MMP28: variants seen among roughly 807,000 people sequenced by gnomAD.
The protein encoded by MMP28 is matrix metallopeptidase 28.
In MMP28, 55 loss-of-function variants were observed where a neutral mutation model predicts 60.5. The observed-to-expected ratio is 0.91, with a 90% CI of 0.73 to 1.14. The LOEUF (loss-of-function observed/expected upper bound fraction) is 1.14, where lower values mean the gene tolerates loss of function less well. Among genes scored for constraint, MMP28 ranks in the 50% most tolerant of loss-of-function variants. The pLI is 0.00. For missense variants in MMP28, 686 were observed against 738.3 expected, an observed-to-expected ratio of 0.93 and a Z score of 0.82; for synonymous variants, 318 against 312.5, an observed-to-expected ratio of 1.02 and a Z score of -0.18.
At chr17:35,795,114 C>G (rs923619947) in intron 1 of MMP28, among the ~76,000 whole-genome samples, 153 bp downstream of exon 1, 8 of 152,250 alleles carry the variant, frequency 5.3e-5, no homozygotes, top group Non-Finnish European at 8.8e-5. Flanking sequence ...AAAAAACTGC[C>G]CGGCTCTTTA....
chr17:35,768,245 C>T lies in MMP28; in HGVS notation c.985G>A (p.Asp329Asn). The change falls in exon 6 of 8, where the codon GAT becomes AAT. Residue 329 changes from aspartate to asparagine, a missense_variant. Transcript: ENST00000605424. ...QGPKYCHSSF[D>N]AITVDRQQQL... ...ACCTTCTTACCTACAGTGATGGCAT[C>T]GAAGGAAGAGTGGCAGTATTTAGGG... The T allele has an allele frequency of 5.6e-6, 9 of 1,607,640 alleles. No homozygotes were observed. Among genetic ancestry groups the T allele is most frequent in the African/African-American group, 2.7e-5 (2 of 74,536 alleles).
At chr17:35,764,807 A>G (rs2143122300), downstream of MMP28, 2 of 602,886 alleles carry the variant, frequency 3.3e-6, no homozygotes, top group Admixed American at 8.3e-5. Flanking sequence ...TCTGTCACCT[A>G]GCGCCCCCAG....
At chr17:35,774,701 C>T (rs1282548351) in intron 3 of MMP28, among the ~76,000 whole-genome samples, 4 of 152,224 alleles carry the variant, frequency 2.6e-5, no homozygotes, top group Admixed American at 6.5e-5. Context: ...AATGCCGCCT[C>T]CCTGGGCCTG....
intron 5 of MMP28, among the ~76,000 whole-genome samples, chr17:35,768,921 T>C (rs2086033347): frequency 6.6e-6 from 1 of 152,102 alleles, no homozygotes; most frequent in Non-Finnish European, 1.5e-5. Flanking sequence ...TGAGATAAAA[T>C]TGGAGTGGGG....
chr17:35,776,121 G>A (rs546002662), intron 3 of MMP28, among the ~76,000 whole-genome samples: 28 of 151,570 alleles, frequency 1.8e-4, no homozygotes, highest in Admixed American at 2.6e-4. Context: ...TGATCTGCCC[G>A]CCTCGTCCTC....
intron 3 of MMP28, among the ~76,000 whole-genome samples, chr17:35,774,513 G>T (rs749755728): frequency 5.3e-5 from 8 of 152,210 alleles, no homozygotes; most frequent in African/African-American, 1.9e-4. Flanking sequence ...TTGCCAGGAC[G>T]CCAGGCTTAT....
At chr17:35,779,588 T>C (rs2086439950) in intron 1 of MMP28, among the ~76,000 whole-genome samples, 1 of 152,194 alleles carries the variant, frequency 6.6e-6, no homozygotes, top group South Asian at 2.1e-4. Flanking sequence ...ACTGGGCCAG[T>C]AGTACCTACC....
chr17:35,764,463 A>T (rs587628047), downstream of MMP28: 41 of 1,558,954 alleles, frequency 2.6e-5, no homozygotes, highest in South Asian at 4.8e-4. Context: ...CGTGCTGGAG[A>T]TCCGGCGACG....
chr17:35,786,063 T>C (rs199555744), intron 1 of MMP28, among the ~76,000 whole-genome samples: 2 of 151,868 alleles, frequency 1.3e-5, no homozygotes, highest in African/African-American at 4.8e-5. Flanking sequence ...CTTGTTTTTT[T>C]TTTTTTTTTG....
At chr17:35,787,697 C>T (rs2086691695) in intron 1 of MMP28, among the ~76,000 whole-genome samples, 1 of 152,240 alleles carries the variant, frequency 6.6e-6, no homozygotes, top group East Asian at 1.9e-4. Context: ...CCATGCTGGC[C>T]AGGCTGGTCT....
In MMP28 at chr17:35,767,789, T is replaced by C. The variant is rs527256761; in HGVS notation, c.1131A>G (p.Ala377=). 24 of 1,588,474 alleles carry C rather than the reference T, an allele frequency of 1.5e-5. 1 individual carries two copies. The South Asian group carries it at 2.6e-4, about 17-fold the overall frequency. The part of the protein sequence containing the change: ...VGLPPNIEAA[A]VSLNDGDFYF... Reference sequence around the variant, plus strand: ...AGAAATCTCCATCATTCAATGACACTGCCGCAGCCTCAATGTTGGGGGGCA... The same window carrying C: ...AGAAATCTCCATCATTCAATGACACCGCCGCAGCCTCAATGTTGGGGGGCA... The change falls in exon 7 of 8, where the codon GCA becomes GCG. Residue 377 remains alanine (A), a synonymous_variant. Coordinates refer to ENST00000605424, the MANE Select transcript of MMP28 (RefSeq NM_024302.5).
chr17:35,764,949 A>G (rs1263119853), downstream of MMP28: 1 of 177,412 alleles, frequency 5.6e-6, no homozygotes, highest in Non-Finnish European at 1.2e-5. Context: ...CCTCTTGGGT[A>G]TTTCAGATCC....
At chr17:35,758,619 G>T (rs1035460145) in intron 2 of MMP28, among the ~76,000 whole-genome samples, 1 of 152,038 alleles carries the variant, frequency 6.6e-6, no homozygotes, top group African/African-American at 2.4e-5. Flanking sequence ...TTGAATCCGG[G>T]GGGCAGAGGT....
chr17:35,780,680 C>A (rs916763058), intron 1 of MMP28, among the ~76,000 whole-genome samples: 1 of 151,626 alleles, frequency 6.6e-6, no homozygotes, highest in African/African-American at 2.4e-5. Flanking sequence ...ACTAAAAACA[C>A]AAAAATTAGC....
intron 1 of MMP28, among the ~76,000 whole-genome samples, chr17:35,784,587 C>T (rs892993990): frequency 6.6e-6 from 1 of 152,088 alleles, no homozygotes; most frequent in Non-Finnish European, 1.5e-5. Flanking sequence ...ATGGTCTACT[C>T]TGCACAGTAG....
rs1229481386 is a variant in MMP28, at chr17:35,795,449, C to T, written c.-72G>A. The T allele has an allele frequency of 9.6e-6, 11 of 1,147,702 alleles. No individual in the cohort carries two copies. The highest frequency in any genetic ancestry group is 1.3e-5 in the Non-Finnish European group (11 of 874,836). 71.1% of individuals were successfully genotyped at this position (1,147,702 alleles called of 1,614,324 possible). ...GGAACCAGCCGGCAGTCAGCCGCGC[C>T]CGGGACCCCGGGGATGGGACTGCTC... is the stretch of plus-strand genomic sequence containing the variant. On this transcript the variant is annotated 5_prime_UTR_variant, in exon 1 of 8. Coordinates refer to ENST00000605424, the MANE Select transcript of MMP28 (RefSeq NM_024302.5).
chr17:35,771,980 TAA>T (rs1433405095), intron 4 of MMP28, among the ~76,000 whole-genome samples: 6 of 151,576 alleles, frequency 4.0e-5, no homozygotes, highest in Non-Finnish European at 8.8e-5. Context: ...TGCACTATGA[TAA>T]AGTTTGCCTA....
chr17:35,792,158 C>T (rs192013479), intron 1 of MMP28, among the ~76,000 whole-genome samples: 239 of 152,232 alleles, frequency 1.6e-3, no homozygotes, highest in Admixed American at 2.7e-3. Flanking sequence ...GTTCTTCTCA[C>T]GATGTGACTT....
chr17:35,778,771 G>A lies in MMP28; in HGVS notation c.379+117C>T, dbSNP rs968019950. Reference sequence around the variant, plus strand: ...GAGGTCCTATTCACCCACTCCTCCCGTGCCCTAGGGAAGAGAGGTTACTGA... The same window carrying A: ...GAGGTCCTATTCACCCACTCCTCCCATGCCCTAGGGAAGAGAGGTTACTGA... On this transcript the variant is annotated intron_variant, in intron 3 of 7. Coordinates refer to ENST00000605424, the MANE Select transcript of MMP28 (RefSeq NM_024302.5). The A allele has an allele frequency of 1.4e-5, 22 of 1,581,180 alleles. No individual in the cohort carries two copies. In the East Asian group the frequency reaches 1.6e-4, roughly 11 times the overall value.
Sources: allele counts gnomAD v4.1 joint callset (sites outside exome capture counted in the v4.1 genomes callset), GRCh38; gene constraint gnomAD v4.1.1; transcripts MANE v1.5; gene names NCBI Gene and HGNC (gene_info 2026-07-23, HGNC 2026-07-21).